Variants in KCNMA1 observed in about 807,000 individuals in gnomAD.
The protein encoded by KCNMA1 is potassium calcium-activated channel subfamily M alpha 1, also known as Calcium-activated potassium channel subunit alpha-1.
KCNMA1 carries 29 observed loss-of-function variants against 140.0 expected under a neutral mutation model. The ratio of observed to expected loss-of-function variants is 0.21; its 90% CI spans 0.15 to 0.28. The LOEUF (loss-of-function observed/expected upper bound fraction) is 0.28, where lower values mean the gene tolerates loss of function less well. Among genes scored for constraint, KCNMA1 ranks in the 10% least tolerant of loss-of-function variants. The pLI is 1.00. For synonymous variants in KCNMA1, 612 were observed against 611.9 expected (o/e 1.00, Z 0.00); for missense variants, 880 against 1,602.2 (o/e 0.55, Z 7.70).
At chr10:77,085,615 T>C (rs185138467) in intron 11 of KCNMA1, among the ~76,000 whole-genome samples, 1 of 152,278 alleles carries the variant, frequency 6.6e-6, no homozygotes, top group East Asian at 1.9e-4. Context: ...CATTCCTGGA[T>C]TTTGAGGGAG....
chr10:76,956,727 G>A (rs1206048260), intron 20 of KCNMA1, among the ~76,000 whole-genome samples: 1 of 152,160 alleles, frequency 6.6e-6, no homozygotes, highest in Non-Finnish European at 1.5e-5. Context: ...ACAGTACCTT[G>A]TGGCAAGTGT....
At chr10:77,585,603 C>T (rs1174498580) in intron 1 of KCNMA1, among the ~76,000 whole-genome samples, 1 of 152,156 alleles carries the variant, frequency 6.6e-6, no homozygotes, top group Admixed American at 6.6e-5. Flanking sequence ...GTTCTCATCA[C>T]CTCTTCAACA....
intron 2 of KCNMA1, among the ~76,000 whole-genome samples, chr10:77,285,487 T>C (rs1213511161): frequency 6.6e-6 from 1 of 152,138 alleles, no homozygotes; most frequent in Non-Finnish European, 1.5e-5. Context: ...ATGAGAGAAA[T>C]AGAACAGACA....
intron 4 of KCNMA1, among the ~76,000 whole-genome samples, chr10:77,184,230 A>AT (rs1164988226): frequency 6.6e-6 from 1 of 151,860 alleles, no homozygotes; most frequent in East Asian, 1.9e-4. Flanking sequence ...GTTTTGTTTT[A>AT]TTTTTTTGAG....
At chr10:77,042,980 T>G (rs1418153297) in intron 14 of KCNMA1, among the ~76,000 whole-genome samples, 2 of 152,230 alleles carry the variant, frequency 1.3e-5, no homozygotes, top group Non-Finnish European at 2.9e-5. Context: ...CAGATGTATC[T>G]GACTATGATA....
chr10:77,476,808 CATGA>C (rs1006458337), intron 1 of KCNMA1, among the ~76,000 whole-genome samples: 1 of 152,282 alleles, frequency 6.6e-6, no homozygotes, highest in East Asian at 1.9e-4. Context: ...TTGTTTCTTC[CATGA>C]ATGAATGAAT....
intron 1 of KCNMA1, chr10:77,636,437 G>T: frequency 6.5e-7 from 1 of 1,536,206 alleles, no homozygotes; most frequent in Non-Finnish European, 8.7e-7. Context: ...GACGCTCCGC[G>T]TAAAACCGCG....
At chr10:76,946,153 G>A (rs2063887783) in intron 22 of KCNMA1, among the ~76,000 whole-genome samples, 1 of 152,190 alleles carries the variant, frequency 6.6e-6, no homozygotes, top group South Asian at 2.1e-4. Flanking sequence ...GAAAATAGAA[G>A]GGTTAGGTTA....
At chr10:77,277,875 C>A (rs1282158588) in intron 2 of KCNMA1, among the ~76,000 whole-genome samples, 1 of 152,196 alleles carries the variant, frequency 6.6e-6, no homozygotes, top group Admixed American at 6.5e-5. Flanking sequence ...TGGACATGGA[C>A]TGTTGGGACT....
At chr10:77,300,586 G>A (rs503242) in intron 2 of KCNMA1, among the ~76,000 whole-genome samples, 33,929 of 152,058 alleles carry the variant, frequency 0.22, 4,043 homozygotes, top group Admixed American at 0.27. Flanking sequence ...TTCTCCCACC[G>A]CATCCTCCAA....
At chr10:77,419,427 T>C (rs2096822036) in intron 1 of KCNMA1, among the ~76,000 whole-genome samples, 1 of 152,142 alleles carries the variant, frequency 6.6e-6, no homozygotes, top group Non-Finnish European at 1.5e-5. Context: ...ATCCCAAGTC[T>C]CTTTGTTTTG....
At chr10:77,008,408 G>C (rs1565510284) in intron 18 of KCNMA1, among the ~76,000 whole-genome samples, 3 of 152,278 alleles carry the variant, frequency 2.0e-5, no homozygotes, top group South Asian at 4.1e-4. Flanking sequence ...TTGTTATATA[G>C]AAAAAGAAAA....
At chr10:77,479,926 T>C (rs1295900628) in intron 1 of KCNMA1, among the ~76,000 whole-genome samples, 2 of 152,336 alleles carry the variant, frequency 1.3e-5, no homozygotes, top group Non-Finnish European at 2.9e-5. Flanking sequence ...TGCTTTATAA[T>C]TCCTTGTGTG....
At chr10:77,526,019 T>C (rs2154551923) in intron 1 of KCNMA1, among the ~76,000 whole-genome samples, 1 of 152,288 alleles carries the variant, frequency 6.6e-6, no homozygotes, top group Non-Finnish European at 1.5e-5. Context: ...TTTCTCTATA[T>C]ATAAAGTCCT....
At chr10:77,265,562 A>G (rs2063207608) in intron 2 of KCNMA1, among the ~76,000 whole-genome samples, 1 of 152,220 alleles carries the variant, frequency 6.6e-6, no homozygotes, top group Admixed American at 6.5e-5. Context: ...ATCTATAAAA[A>G]TATACTTTGA....
intron 2 of KCNMA1, among the ~76,000 whole-genome samples, chr10:77,351,643 C>T (rs1248451831): frequency 3.3e-5 from 5 of 152,162 alleles, no homozygotes; most frequent in Non-Finnish European, 5.9e-5. Context: ...GAATTCAGAA[C>T]CCTAGTCTGA....
intron 2 of KCNMA1, among the ~76,000 whole-genome samples, chr10:77,253,250 G>T (rs2060032024): frequency 6.6e-6 from 1 of 152,138 alleles, no homozygotes; most frequent in African/African-American, 2.4e-5. Flanking sequence ...ATAAACAGCT[G>T]ATTTAAGACT....
intron 14 of KCNMA1, among the ~76,000 whole-genome samples, chr10:77,060,756 C>G (rs139973694): frequency 1.3e-5 from 2 of 152,162 alleles, no homozygotes; most frequent in Middle Eastern, 3.4e-3. Flanking sequence ...TAAGTGGGCT[C>G]TAAATGTAAT....
chr10:77,430,743 C>A (rs1484189540), intron 1 of KCNMA1, among the ~76,000 whole-genome samples: 1 of 152,214 alleles, frequency 6.6e-6, no homozygotes, highest in Non-Finnish European at 1.5e-5. Flanking sequence ...ACCTGCTAAT[C>A]TACTATAAGT....
Sources: allele counts gnomAD v4.1 joint callset (sites outside exome capture counted in the v4.1 genomes callset), GRCh38; gene constraint gnomAD v4.1.1; transcripts MANE v1.5; gene names NCBI Gene and HGNC (gene_info 2026-07-23, HGNC 2026-07-21).